The following FGL1 variants were observed in gnomAD, a reference collection of about 807,000 sequenced individuals.
The protein encoded by FGL1 is fibrinogen-like protein 1.
A neutral mutation model predicts 43.7 loss-of-function variants in FGL1; 59 were observed. The observed-to-expected ratio is 1.35, with a 90% CI of 1.10 to 1.68. The LOEUF (loss-of-function observed/expected upper bound fraction) is 1.68, where lower values mean the gene tolerates loss of function less well. Ranked by LOEUF, FGL1 falls within the 40% of genes most tolerant of loss-of-function variation. FGL1 has a pLI of 0.00. For synonymous variants in FGL1, 192 were observed against 126.5 expected, an observed-to-expected ratio of 1.52 and a Z score of -3.48; for missense variants, 596 against 373.0, an observed-to-expected ratio of 1.60 and a Z score of -4.92.
intron 2 of FGL1, 176 bp from the exon 3 acceptor site, chr8:17,882,355 G>T: frequency 3.8e-6 from 2 of 529,072 alleles, no homozygotes; most frequent in African/African-American, 1.9e-5. Context: ...TTGAAGAATT[G>T]GAAATTATGG....
intron 3 of FGL1, among the ~76,000 whole-genome samples, chr8:17,881,567 C>T (rs1037426269): frequency 2.0e-5 from 3 of 151,616 alleles, no homozygotes; most frequent in African/African-American, 4.8e-5. Context: ...GGCACGGTGG[C>T]TCACGCCTGT....
At chr8:17,872,320 T>TTATTATTATTA (rs2053375991) in intron 5 of FGL1, among the ~76,000 whole-genome samples, 2 of 26,916 alleles carry the variant, frequency 7.4e-5, no homozygotes, top group Non-Finnish European at 2.1e-4. Flanking sequence ...TATTATTATT[T>TTATTATTATTA]GAGACAGAGT....
At chr8:17,879,219 A>T (rs147750424) in intron 3 of FGL1, among the ~76,000 whole-genome samples, 2 of 151,794 alleles carry the variant, frequency 1.3e-5, no homozygotes, top group Non-Finnish European at 2.9e-5. Flanking sequence ...TTTCTGAAGC[A>T]TCTCTATATG....
At position 17,868,690 on chromosome 8, in the gene FGL1, C is replaced by G. The variant is rs746466802; in HGVS notation, c.637G>C (p.Asp213His). The change falls in exon 7 of 8, where the codon GAT (aspartate) becomes CAT (histidine). Residue 213 changes from aspartate (D) to histidine (H), a missense_variant. Physicochemically the swap from Asp to His is moderately conservative, Grantham distance 81. Transcript: ENST00000427924. The part of the protein sequence containing the change: ...NIGEYSGTAG[D>H]SLAGNFHPEV... ...GGATGAAAATTCCCCGCAAGGGAAT[C>G]TCCAGCTGTTCCAGAATATTCCCCA... The G allele has an allele frequency of 1.9e-6, 3 of 1,613,702 alleles. No individual in the cohort carries two copies. The highest frequency in any genetic ancestry group is 8.5e-7 in the Non-Finnish European group (1 of 1,179,896).
chr8:17,878,975 T>C (rs902051263), intron 3 of FGL1, among the ~76,000 whole-genome samples: 33 of 150,870 alleles, frequency 2.2e-4, no homozygotes, highest in South Asian at 2.1e-4. Context: ...CTGTTCTTAG[T>C]AGCCTCTCCA....
intron 2 of FGL1, among the ~76,000 whole-genome samples, chr8:17,883,496 A>G (rs1167821634): frequency 7.8e-6 from 1 of 128,576 alleles, no homozygotes; most frequent in Admixed American, 8.6e-5. Context: ...TAATATATTA[A>G]ATATATTTAT....
At chr8:17,892,960 G>A (rs1352261560) in intron 1 of FGL1, among the ~76,000 whole-genome samples, 1 of 152,190 alleles carries the variant, frequency 6.6e-6, no homozygotes, top group Non-Finnish European at 1.5e-5. Context: ...AGCACGTTGA[G>A]AGGCTGAGGC....
chr8:17,873,114 G>C (rs2517293), intron 5 of FGL1, among the ~76,000 whole-genome samples: 110,305 of 151,984 alleles, frequency 0.73, 40,800 homozygotes, highest in Non-Finnish European at 0.79. Context: ...AGCACCAATT[G>C]CCCAATTGTT....
rs34901302 is a variant in FGL1, at chr8:17,889,876, A to G, written c.-17-4305T>C. Among the ~76,000 whole-genome samples, 858 of 152,356 alleles carry G rather than the reference A, an allele frequency of 5.6e-3. 12 individuals are homozygous for G. Among genetic ancestry groups the G allele is most frequent in the African/African-American group, 0.019 (786 of 41,584 alleles). On this transcript the variant is annotated intron_variant, in intron 1 of 7. Transcript: ENST00000427924. ...GATAGGAAGAACACACTTGAAAATC[A>G]TTATAACCATTTATACTACAATGAA...
chr8:17,885,926 G>C (rs954330182), intron 1 of FGL1: 20 of 173,166 alleles, frequency 1.2e-4, no homozygotes, highest in African/African-American at 4.5e-4. Context: ...GCTGGTCTCT[G>C]CTTATGGAGC....
At chr8:17,869,287 A>G (rs1248364229) in intron 5 of FGL1, among the ~76,000 whole-genome samples, 2 of 134,540 alleles carry the variant, frequency 1.5e-5, no homozygotes, top group Non-Finnish European at 3.1e-5. Flanking sequence ...TGAACAACAG[A>G]AAAAATAAGT....
rs181272361 is a variant in FGL1, at chr8:17,869,017, C to G, written c.503-13G>C. On this transcript the variant is annotated splice_polypyrimidine_tract_variant and intron_variant, in intron 5 of 7. Coordinates refer to ENST00000427924, the MANE Select transcript of FGL1 (RefSeq NM_004467.4). ...AAAGTGTAGTCTTCTAAAAAAGAAA[C>G]AAGCAATTATAATTTTTAAAAATGT... is the stretch of plus-strand genomic sequence containing the variant. The G allele has an allele frequency of 1.9e-5, 29 of 1,539,940 alleles. No homozygotes were observed. The highest frequency in any genetic ancestry group is 2.5e-5 in the Non-Finnish European group (28 of 1,129,052).
chr8:17,872,495 G>T (rs897669224), intron 5 of FGL1, among the ~76,000 whole-genome samples: 6 of 151,972 alleles, frequency 3.9e-5, no homozygotes, highest in African/African-American at 1.5e-4. Flanking sequence ...TAGAGATGGG[G>T]TTTCACCATG....
intron 1 of FGL1, 163 bp from the exon 2 acceptor site, chr8:17,885,734 A>C (rs1197211957): frequency 1.7e-6 from 1 of 593,050 alleles, no homozygotes; most frequent in African/African-American, 1.9e-5. Flanking sequence ...CTCTCACCAC[A>C]CAGAATGACA....
chr8:17,875,174 A>G (rs2053426521), intron 3 of FGL1, among the ~76,000 whole-genome samples: 1 of 152,194 alleles, frequency 6.6e-6, no homozygotes, highest in South Asian at 2.1e-4. Context: ...TAATCTTGTA[A>G]AAATCTTTAT....
Position 17,864,583 on chromosome 8 carries a change from C to T in FGL1, c.*9G>A, listed in dbSNP as rs1276179210. On this transcript the variant is annotated 3_prime_UTR_variant, in exon 8 of 8. Transcript: ENST00000427924. ...CTGAATTGCAGAAACGAAAGCCCAACAGCAGCAATTAAATTACATTTGGAA... is the reference window on the plus strand; with the variant it reads ...CTGAATTGCAGAAACGAAAGCCCAATAGCAGCAATTAAATTACATTTGGAA... 2 of 1,602,060 alleles carry T rather than the reference C, an allele frequency of 1.2e-6. No homozygotes were observed. The highest frequency in any genetic ancestry group is 2.7e-5 in the African/African-American group (2 of 74,346).
chr8:17,892,986 G>A (rs367729772), intron 1 of FGL1, among the ~76,000 whole-genome samples: 1 of 152,148 alleles, frequency 6.6e-6, no homozygotes, highest in African/African-American at 2.4e-5. Context: ...GATCACTTGG[G>A]TCAGGAGTTT....
chr8:17,872,122 C>A (rs992913937), intron 5 of FGL1, among the ~76,000 whole-genome samples: 2 of 151,956 alleles, frequency 1.3e-5, no homozygotes, highest in African/African-American at 4.8e-5. Flanking sequence ...GAGCACTGAT[C>A]ATAAGAAGGA....
intron 1 of FGL1, chr8:17,891,830 C>T: frequency 1.0e-6 from 1 of 977,078 alleles, no homozygotes; most frequent in Non-Finnish European, 1.2e-6. Flanking sequence ...ACAAAAATAA[C>T]TACTCTTAAT....
Sources: gnomAD v4.1 joint callset for allele counts (sites outside exome capture counted in the v4.1 genomes callset) on GRCh38, gnomAD v4.1.1 for gene constraint, MANE v1.5 for transcripts, NCBI Gene and HGNC (gene_info 2026-07-23, HGNC 2026-07-21) for gene names.